LARP4: variants seen among roughly 807,000 people sequenced by gnomAD.
LARP4 encodes La ribonucleoprotein 4.
A neutral mutation model predicts 92.9 loss-of-function variants in LARP4; 29 were observed. That is an observed-to-expected ratio of 0.31 (90% CI 0.23 to 0.43). The LOEUF (loss-of-function observed/expected upper bound fraction) is 0.43, where lower values mean the gene tolerates loss of function less well. Among genes scored for constraint, LARP4 ranks in the 20% least tolerant of loss-of-function variants. LARP4 has a pLI of 1.00. For missense variants in LARP4, 732 were observed against 860.0 expected (o/e 0.85, Z 1.86); for synonymous variants, 279 against 284.1 (o/e 0.98, Z 0.18).
At chr12:50,447,465 A>AT (rs1952397086) in intron 8 of LARP4, among the ~76,000 whole-genome samples, 1 of 152,136 alleles carries the variant, frequency 6.6e-6, no homozygotes, top group South Asian at 2.1e-4. Context: ...GTGTTAGAGC[A>AT]TTTTTTTCCT....
At chr12:50,472,273 A>G (rs1957013699) in intron 13 of LARP4, among the ~76,000 whole-genome samples, 1 of 152,192 alleles carries the variant, frequency 6.6e-6, no homozygotes, top group Non-Finnish European at 1.5e-5. Context: ...CCTAAGCTCC[A>G]GAACTTACAA....
chr12:50,466,460 A>C (rs967465862), intron 12 of LARP4, among the ~76,000 whole-genome samples: 1 of 152,098 alleles, frequency 6.6e-6, no homozygotes, highest in Non-Finnish European at 1.5e-5. Flanking sequence ...CTAAAAAACA[A>C]AAAATAAAAA....
intron 10 of LARP4, among the ~76,000 whole-genome samples, chr12:50,457,144 C>G (rs1465124077): frequency 6.6e-6 from 1 of 151,322 alleles, no homozygotes; most frequent in African/African-American, 2.4e-5. Flanking sequence ...CCTCGTGATC[C>G]ACCCAGCTTG....
At chr12:50,450,782 T>C (rs1019446175) in intron 8 of LARP4, among the ~76,000 whole-genome samples, 1 of 152,228 alleles carries the variant, frequency 6.6e-6, no homozygotes, top group African/African-American at 2.4e-5. Context: ...ATTACAGGCA[T>C]GAGCCATTGT....
intron 10 of LARP4, among the ~76,000 whole-genome samples, chr12:50,458,566 C>T (rs2138546818): frequency 6.6e-6 from 1 of 152,224 alleles, no homozygotes; most frequent in Admixed American, 6.5e-5. Flanking sequence ...TTCCTAGAGT[C>T]AGGAATTGGC....
intron 1 of LARP4, among the ~76,000 whole-genome samples, chr12:50,427,050 C>T (rs1948907747): frequency 6.6e-6 from 1 of 151,902 alleles, no homozygotes; most frequent in Admixed American, 6.6e-5. Context: ...AAGAGATTAC[C>T]TTAAATGGCA....
At chr12:50,435,153 A>G (rs1161753753) in intron 4 of LARP4, among the ~76,000 whole-genome samples, 1 of 152,210 alleles carries the variant, frequency 6.6e-6, no homozygotes, top group Non-Finnish European at 1.5e-5. Flanking sequence ...TATTTATAAG[A>G]TGGAACTCTG....
At chr12:50,437,214 CTG>C (rs1218535080) in intron 5 of LARP4, among the ~76,000 whole-genome samples, 1 of 152,110 alleles carries the variant, frequency 6.6e-6, no homozygotes, top group Non-Finnish European at 1.5e-5. Flanking sequence ...TTTTGGGTCT[CTG>C]TAGTAGTATG....
At position 50,428,973 on chromosome 12, in the gene LARP4, G is replaced by T; in HGVS notation, c.205G>T (p.Glu69Ter). 6.2e-7 allele frequency: 1 copy of T among 1,602,970 alleles called. No homozygotes were observed. ...CTCAGAAGATATATGTAAAGAATAT[G>T]AAGTAATGTATTCTTCATCTTGTGA... ...ELSEDICKEY[E>*]VMYSSSCETT... The change falls in exon 3 of 16, where the codon GAA (glutamate) becomes TAA (stop). Residue 69 changes from glutamate (E) to a stop codon, truncating the protein, a stop_gained. Coordinates refer to ENST00000398473, the MANE Select transcript of LARP4 (RefSeq NM_052879.5). LOFTEE classifies it high-confidence loss of function.
At chr12:50,404,465 G>T (rs966380232) in intron 1 of LARP4, among the ~76,000 whole-genome samples, 3 of 152,136 alleles carry the variant, frequency 2.0e-5, no homozygotes, top group Admixed American at 2.0e-4. Flanking sequence ...AGAGGCAGGA[G>T]TTTCGCTTGA....
intron 1 of LARP4, among the ~76,000 whole-genome samples, chr12:50,406,648 A>G (rs777443965): frequency 9.9e-5 from 15 of 152,182 alleles, no homozygotes; most frequent in Non-Finnish European, 1.9e-4. Flanking sequence ...AGCTGGGACT[A>G]CAGGCTCATG....
intron 15 of LARP4, among the ~76,000 whole-genome samples, 188 bp from the exon 16 acceptor site, chr12:50,475,338 C>CTTT (rs1565775355): frequency 6.6e-6 from 1 of 152,188 alleles, no homozygotes; most frequent in African/African-American, 2.4e-5. Context: ...AGTTAAATTC[C>CTTT]TTACGTGAAA....
intron 1 of LARP4, among the ~76,000 whole-genome samples, chr12:50,425,416 GA>G (rs1283043396): frequency 3.3e-5 from 5 of 152,286 alleles, no homozygotes; most frequent in African/African-American, 1.2e-4. Context: ...GGTATTCTCA[GA>G]ATGGAGGAAA....
intron 8 of LARP4, among the ~76,000 whole-genome samples, chr12:50,449,774 T>C (rs186131999): frequency 2.0e-5 from 3 of 152,282 alleles, no homozygotes; most frequent in East Asian, 3.9e-4. Flanking sequence ...CTGGCTTTTA[T>C]TACCAGTTTT....
chr12:50,428,789 T>C, intron 2 of LARP4, 146 bp from the exon 3 acceptor site: 1 of 591,460 alleles, frequency 1.7e-6, no homozygotes, highest in South Asian at 2.6e-5. Context: ...TCCCTCGGAA[T>C]GATAACTCTT....
At chr12:50,472,253 T>C (rs183529355) in intron 13 of LARP4, among the ~76,000 whole-genome samples, 8 of 152,342 alleles carry the variant, frequency 5.3e-5, no homozygotes, top group African/African-American at 1.4e-4. Context: ...TACCTTTACA[T>C]GGTTGTGCAC....
chr12:50,426,630 C>T (rs951957502), intron 1 of LARP4, among the ~76,000 whole-genome samples: 1 of 150,500 alleles, frequency 6.6e-6, no homozygotes, highest in East Asian at 1.9e-4. Flanking sequence ...AAGGCTCAGC[C>T]CCTGCTCTCA....
intron 10 of LARP4, among the ~76,000 whole-genome samples, chr12:50,458,285 T>G (rs924116583): frequency 6.6e-6 from 1 of 151,942 alleles, no homozygotes; most frequent in Non-Finnish European, 1.5e-5. Context: ...TTTGTTTTTG[T>G]TTTTTGTTTG....
Position 50,428,980 on chromosome 12 carries a change from T to G in LARP4, c.212T>G (p.Met71Arg), listed in dbSNP as rs769822581. The G allele has an allele frequency of 4.3e-5, 69 of 1,598,152 alleles. No homozygotes were observed. The highest frequency in any genetic ancestry group is 6.7e-5 in the East Asian group (3 of 44,700). ...SEDICKEYEV[M>R]YSSSCETTRN... ...GATATATGTAAAGAATATGAAGTAA[T>G]GTATTCTTCATCTTGTGAAACCACA... The change falls in exon 3 of 16, where the codon ATG becomes AGG. Residue 71 changes from methionine (M) to arginine (R), a missense_variant. Physicochemically the swap from Met to Arg is moderately conservative, Grantham distance 91. Coordinates refer to ENST00000398473, the MANE Select transcript of LARP4 (RefSeq NM_052879.5).
Sources: gnomAD v4.1 joint callset for allele counts (sites outside exome capture counted in the v4.1 genomes callset) on GRCh38, gnomAD v4.1.1 for gene constraint, MANE v1.5 for transcripts, NCBI Gene and HGNC (gene_info 2026-07-23, HGNC 2026-07-21) for gene names.